GAK: variants seen among roughly 807,000 people sequenced by gnomAD.
GAK encodes cyclin G associated kinase.
In GAK, 79 loss-of-function variants were observed where a neutral mutation model predicts 143.9. The ratio of observed to expected loss-of-function variants is 0.55; its 90% CI spans 0.46 to 0.66. GAK has a LOEUF of 0.66. Ranked by LOEUF, GAK falls within the 30% of genes least tolerant of loss-of-function variation. The pLI is 0.00. For missense variants in GAK, 1,693 were observed against 1,779.7 expected (o/e 0.95, Z 0.88); for synonymous variants, 881 against 765.5 (o/e 1.15, Z -2.49).
chr4:878,977 G>C (rs1714550455), intron 15 of GAK, among the ~76,000 whole-genome samples: 1 of 152,188 alleles, frequency 6.6e-6, no homozygotes, highest in Admixed American at 6.5e-5. Context: ...CGGTCCTTCA[G>C]CCACAACAAA....
At chr4:924,882 G>A (rs1424568110) in intron 1 of GAK, among the ~76,000 whole-genome samples, 1 of 151,598 alleles carries the variant, frequency 6.6e-6, no homozygotes, top group Admixed American at 6.6e-5. Context: ...AGATCTGATT[G>A]GGTTGTGGTG....
At chr4:856,412 C>A (rs932715065) in intron 24 of GAK, among the ~76,000 whole-genome samples, 2 of 61,924 alleles carry the variant, frequency 3.2e-5, no homozygotes, top group East Asian at 7.3e-4. Flanking sequence ...CACAGCTGCT[C>A]ACCACAGCTG....
rs181135715 is a variant in GAK, at chr4:863,702, A to G, written c.3166+1420T>C. 8.0e-4 allele frequency among the ~76,000 whole-genome samples: 122 copies of G among 152,330 alleles called. 1 individual carries two copies. The highest frequency in any genetic ancestry group is 3.1e-3 in the Admixed American group (48 of 15,304). ...TTTCTAAATCAAGGTAACTATATTT[A>G]TTTTTTAGACATAATGCTATTGCAC... is the stretch of plus-strand genomic sequence containing the variant. On this transcript the variant is annotated intron_variant, in intron 23 of 27. Transcript: ENST00000314167.
intron 5 of GAK, 35 bp from the exon 6 acceptor site, chr4:898,193 G>A: frequency 1.2e-6 from 2 of 1,610,264 alleles, no homozygotes; most frequent in South Asian, 2.2e-5. Context: ...CGTGAACTTG[G>A]CGTAGACAGA....
In GAK at chr4:911,804, AAAG is replaced by A. The variant is rs745945236; in HGVS notation, c.268-20_268-18del. 2 of 1,587,960 alleles carry A rather than the reference AAAG, an allele frequency of 1.3e-6. No individual in the cohort carries two copies. The highest frequency in any genetic ancestry group is 1.7e-6 in the Non-Finnish European group (2 of 1,156,428). On this transcript the variant is annotated intron_variant, in intron 3 of 27. Transcript: ENST00000314167. ...AAGCTTTTTCTGCAGTTGTCTTGTT[AAAG>A]GAGAACGTACATAACCATGTCCACA...
At position 888,888 on chromosome 4, in the gene GAK, G is replaced by T; in HGVS notation, c.1164C>A (p.Asn388Lys). Residue 388 changes from asparagine to lysine, a missense_variant, in exon 11 of 28, where the codon AAC becomes AAA. Asn to Lys is a moderately conservative substitution (Grantham distance 94). Around this residue, in one of 2 missense-constraint regions of GAK, gnomAD observed 871 missense variants for 991.0 expected, o/e 0.88. Coordinates refer to ENST00000314167, the MANE Select transcript of GAK (RefSeq NM_005255.4). ...LRGGTERLFTNLKDTSSKVIQ... is the reference protein window; with the variant it reads ...LRGGTERLFTKLKDTSSKVIQ... ...TGACCTTGGAGGAGGTGTCCTTGAGGTTGGTGAAGAGCCGCTCTGTCCCAC... is the reference window on the plus strand; with the variant it reads ...TGACCTTGGAGGAGGTGTCCTTGAGTTTGGTGAAGAGCCGCTCTGTCCCAC... The T allele has an allele frequency of 6.2e-7, 1 of 1,611,384 alleles. No individual in the cohort carries two copies. The highest frequency in any genetic ancestry group is 8.5e-7 in the Non-Finnish European group (1 of 1,179,198).
At chr4:895,002 TAAATAAATAAATA>T (rs55792837) in intron 7 of GAK, among the ~76,000 whole-genome samples, 20,334 of 113,172 alleles carry the variant, frequency 0.18, 1,782 homozygotes, top group Middle Eastern at 0.41. Flanking sequence ...AATAAATAAA[TAAATAAATAAATA>T]AAGGTTCCTT....
intron 15 of GAK, among the ~76,000 whole-genome samples, 161 bp downstream of exon 15, chr4:881,746 G>A (rs1004986338): frequency 7.9e-5 from 12 of 152,248 alleles, no homozygotes; most frequent in Non-Finnish European, 1.8e-4. Context: ...CTCTGCGGCC[G>A]TAAGCCCAGG....
Position 851,102 on chromosome 4 carries a change from C to CT in GAK, c.3509-19dup, listed in dbSNP as rs748773762. 8 of 1,609,182 alleles carry CT rather than the reference C, an allele frequency of 5.0e-6. No homozygotes were observed. The highest frequency in any genetic ancestry group is 3.4e-5 in the Admixed American group (2 of 59,576). On this transcript the variant is annotated intron_variant, in intron 25 of 27. Coordinates refer to ENST00000314167, the MANE Select transcript of GAK (RefSeq NM_005255.4). ...CTTTTGAGCTAGAAAAGAACAGAAA[C>CT]TTTTTTTTGTTTGAGACAGGGTCTC... is the stretch of plus-strand genomic sequence containing the variant.
At chr4:888,075 G>A (rs1015185788) in intron 11 of GAK, 1 of 152,294 alleles carries the variant, frequency 6.6e-6, no homozygotes, top group Non-Finnish European at 1.5e-5. Context: ...TCACAGCACA[G>A]AACAAAAAAC....
chr4:856,537 C>A (rs1341199854), intron 24 of GAK, among the ~76,000 whole-genome samples: 2 of 148,512 alleles, frequency 1.3e-5, no homozygotes, highest in African/African-American at 4.9e-5. Context: ...ACCACCACAG[C>A]TGCTCACACC....
intron 17 of GAK, 147 bp from the exon 18 acceptor site, chr4:876,756 G>A (rs990679575): frequency 1.4e-6 from 1 of 697,794 alleles, no homozygotes; most frequent in Non-Finnish European, 2.5e-6. Flanking sequence ...TGTTGTGGGG[G>A]AAGCGGGAGA....
chr4:862,226 T>C (rs559492390), intron 23 of GAK, among the ~76,000 whole-genome samples: 3 of 150,040 alleles, frequency 2.0e-5, no homozygotes, highest in East Asian at 3.9e-4. Flanking sequence ...AGATCACTGA[T>C]GAAGGGGCTG....
chr4:872,230 G>C (rs1285178914), intron 18 of GAK: 1 of 152,276 alleles, frequency 6.6e-6, no homozygotes, highest in African/African-American at 2.4e-5. Context: ...TGCACGAGGG[G>C]AGAGCACCCT....
Position 851,753 on chromosome 4 carries a change from A to G in GAK, c.3505T>C (p.Phe1169Leu). 1 of 1,613,260 alleles carries G rather than the reference A, an allele frequency of 6.2e-7. No individual in the cohort carries two copies. Among genetic ancestry groups the G allele is most frequent in the Non-Finnish European group, 8.5e-7 (1 of 1,179,872 alleles). The change falls in exon 25 of 28, where the codon TTT (phenylalanine) becomes CTT (leucine). Residue 1169 changes from phenylalanine to leucine, a missense_variant. Around this residue, in one of 2 missense-constraint regions of GAK, gnomAD observed 822 missense variants for 788.7 expected, o/e 1.04. Coordinates refer to ENST00000314167, the MANE Select transcript of GAK (RefSeq NM_005255.4). Reference protein sequence around the residue: ...REERGVRAPSFAQKPKVSEND... With the variant: ...REERGVRAPSLAQKPKVSEND... ...CAACAGAGAGTGGGGGACTCACCAA[A>G]GCTGGGTGCGCGGACCCCCCGCTCC... is the stretch of plus-strand genomic sequence containing the variant.
intron 24 of GAK, among the ~76,000 whole-genome samples, chr4:854,955 G>C (rs141085685): frequency 0.011 from 1,693 of 152,340 alleles, 19 homozygotes; most frequent in Non-Finnish European, 0.018. Context: ...TGAGGCAGGA[G>C]AATGGCGTGA....
At chr4:894,211 C>G (rs11725376) in intron 7 of GAK, 24,994 of 541,768 alleles carry the variant, frequency 0.046, 785 homozygotes, top group South Asian at 0.074. Context: ...AGGGGTGACA[C>G]CGGGGCCTGC....
At position 893,983 on chromosome 4, in the gene GAK, C is replaced by A; in HGVS notation, c.768G>T (p.Leu256=). 6.2e-7 allele frequency: 1 copy of A among 1,611,102 alleles called. No individual in the cohort carries two copies. Among genetic ancestry groups the A allele is most frequent in the East Asian group, 2.2e-5 (1 of 44,802 alleles). Residue 256 remains leucine, a synonymous_variant, in exon 8 of 28, where the codon CTG becomes CTT. Coordinates refer to ENST00000314167, the MANE Select transcript of GAK (RefSeq NM_005255.4). ...IWALGCILYL[L]CFRQHPFEDG... is the part of the protein sequence containing the mutation. Reference sequence around the variant, plus strand: ...CCTCAAAAGGGTGCTGCCGGAAGCACAGCAGGTACAAGATGCAGCCCAGGG... The same window carrying A: ...CCTCAAAAGGGTGCTGCCGGAAGCAAAGCAGGTACAAGATGCAGCCCAGGG...
intron 23 of GAK, 24 bp downstream of exon 23, chr4:865,098 G>A (rs1750930672): frequency 1.9e-6 from 3 of 1,601,270 alleles, no homozygotes; most frequent in East Asian, 4.5e-5. Context: ...TGGGAGCCCT[G>A]TCCTTGGTGG....
Sources: gnomAD v4.1 joint callset for allele counts (sites outside exome capture counted in the v4.1 genomes callset) on GRCh38, gnomAD v4.1.1 for gene constraint, gnomAD v4.1.1 regional missense constraint, MANE v1.5 for transcripts, NCBI Gene and HGNC (gene_info 2026-07-23, HGNC 2026-07-21) for gene names.